Variants in C9orf153 observed in about 807,000 individuals in gnomAD.
The protein encoded by C9orf153 is chromosome 9 open reading frame 153.
In C9orf153, 10 loss-of-function variants were observed where a neutral mutation model predicts 9.0. That is an observed-to-expected ratio of 1.11 (90% CI 0.69 to 1.89). The LOEUF (loss-of-function observed/expected upper bound fraction) is 1.89. Among genes scored for constraint, C9orf153 ranks in the 40% most tolerant of loss-of-function variants. The pLI is 0.00. For synonymous variants in C9orf153, 35 were observed against 37.3 expected, an observed-to-expected ratio of 0.94 and a Z score of 0.23; for missense variants, 108 against 111.0, an observed-to-expected ratio of 0.97 and a Z score of 0.12.
At chr9:86,247,989 T>C (rs1042400377) in intron 1 of C9orf153, among the ~76,000 whole-genome samples, 2 of 152,226 alleles carry the variant, frequency 1.3e-5, no homozygotes, top group African/African-American at 4.8e-5. Context: ...CTCACGGACT[T>C]TGGGTGAACC....
intron 3 of C9orf153, among the ~76,000 whole-genome samples, chr9:86,222,424 T>A (rs1187738164): frequency 6.6e-6 from 1 of 152,028 alleles, no homozygotes; most frequent in Non-Finnish European, 1.5e-5. Flanking sequence ...GGGAGGAAGA[T>A]GGGTTAGAAG....
intron 1 of C9orf153, among the ~76,000 whole-genome samples, chr9:86,259,090 C>T (rs923635105): frequency 6.6e-6 from 1 of 150,994 alleles, no homozygotes; most frequent in South Asian, 2.1e-4. Context: ...AGTGCAGTGG[C>T]GTGAACACAG....
At chr9:86,243,312 C>T (rs536373622) in intron 1 of C9orf153, among the ~76,000 whole-genome samples, 3 of 152,226 alleles carry the variant, frequency 2.0e-5, no homozygotes, top group East Asian at 1.9e-4. Context: ...CTGAATTCAA[C>T]ATGATGATAG....
At chr9:86,231,003 C>T (rs951290312) in intron 1 of C9orf153, among the ~76,000 whole-genome samples, 4 of 152,124 alleles carry the variant, frequency 2.6e-5, no homozygotes, top group African/African-American at 4.8e-5. Flanking sequence ...TGCGGCTTTC[C>T]TACACATTCT....
At chr9:86,253,614 A>G (rs1361708423) in intron 1 of C9orf153, among the ~76,000 whole-genome samples, 2 of 152,256 alleles carry the variant, frequency 1.3e-5, no homozygotes, top group Admixed American at 6.5e-5. Context: ...TATTAAAGAC[A>G]TGGGATCCTG....
Position 86,222,482 on chromosome 9 carries a change from T to G in C9orf153, c.243-749A>C, listed in dbSNP as rs1195127148. On this transcript the variant is annotated intron_variant, in intron 3 of 3. Coordinates refer to ENST00000339137, the MANE Select transcript of C9orf153 (RefSeq NM_001276366.4). ...TCTTCCAAGATGCTAATGTAAGCCC[T>G]AAGTATAAAAGGGCAGTGGCTGAGC... Among the ~76,000 whole-genome samples the G allele has an allele frequency of 5.1e-4, 78 of 152,076 alleles. 1 individual carries two copies. Among genetic ancestry groups the G allele is most frequent in the Non-Finnish European group, 7.4e-5 (5 of 68,020 alleles).
chr9:86,245,656 C>T (rs1180816094), intron 1 of C9orf153, among the ~76,000 whole-genome samples: 1 of 152,084 alleles, frequency 6.6e-6, no homozygotes, highest in Non-Finnish European at 1.5e-5. Context: ...TACCTCTTTG[C>T]GATTGTGAAT....
chr9:86,255,117 A>C (rs1190821921), intron 1 of C9orf153, among the ~76,000 whole-genome samples: 1 of 151,884 alleles, frequency 6.6e-6, no homozygotes, highest in African/African-American at 2.4e-5. Flanking sequence ...GAATATATGG[A>C]CAATATATTT....
chr9:86,228,055 A>G (rs1246688614), intron 2 of C9orf153, 25 bp from the exon 3 acceptor site: 1 of 1,546,660 alleles, frequency 6.5e-7, no homozygotes, highest in Non-Finnish European at 8.8e-7. Context: ...AAAAGTGGTA[A>G]GTCACGAGAC....
At chr9:86,256,379 T>G (rs1358590141) in intron 1 of C9orf153, among the ~76,000 whole-genome samples, 1 of 152,246 alleles carries the variant, frequency 6.6e-6, no homozygotes, top group African/African-American at 2.4e-5. Flanking sequence ...TGATAAAGAT[T>G]GCAGACTTAC....
At chr9:86,234,311 A>G (rs1487291284) in intron 1 of C9orf153, among the ~76,000 whole-genome samples, 1 of 152,244 alleles carries the variant, frequency 6.6e-6, no homozygotes, top group Non-Finnish European at 1.5e-5. Flanking sequence ...TGAAGCTGAA[A>G]TGGAGAGAAC....
chr9:86,224,606 C>T (rs1032327770), intron 3 of C9orf153, among the ~76,000 whole-genome samples: 58 of 151,796 alleles, frequency 3.8e-4, no homozygotes, highest in Non-Finnish European at 1.5e-4. Flanking sequence ...CTATATAACA[C>T]TATTGAAACA....
chr9:86,228,036 G>T lies in C9orf153; in HGVS notation c.67-6C>A. 6.5e-7 allele frequency: 1 copy of T among 1,547,050 alleles called. No homozygotes were observed. The stretch of plus-strand genomic sequence containing the variant: ...CATGCATATAATTCTGGAAGCTGTG[G>T]ACAAAAAAAAAAGTGGTAAGTCACG... On this transcript the variant is annotated splice_polypyrimidine_tract_variant and splice_region_variant and intron_variant, in intron 2 of 3. Coordinates refer to ENST00000339137, the MANE Select transcript of C9orf153 (RefSeq NM_001276366.4).
rs201401346 is a variant in C9orf153 at position 86,227,313 on chromosome 9, AT to A, written c.242+541del. 25 of 1,415,660 alleles carry A rather than the reference AT, an allele frequency of 1.8e-5. No homozygotes were observed. In the African/African-American group the frequency reaches 2.7e-4, roughly 15 times the overall value. The allele number at this position is 1,415,660 out of a possible 1,614,324, so 87.7% of individuals were successfully genotyped here. On this transcript the variant is annotated intron_variant, in intron 3 of 3. Coordinates refer to ENST00000339137, the MANE Select transcript of C9orf153 (RefSeq NM_001276366.4). ...AGGCACATGCCACCAAGCTCAGCTA[AT>A]TTTTATTTATTTATTTATTTATTTA...
intron 1 of C9orf153, among the ~76,000 whole-genome samples, chr9:86,256,391 A>C (rs1406358418): frequency 6.6e-6 from 1 of 152,270 alleles, no homozygotes; most frequent in Non-Finnish European, 1.5e-5. Context: ...CAGACTTACT[A>C]AACAGAAATA....
intron 1 of C9orf153, among the ~76,000 whole-genome samples, chr9:86,256,506 C>T (rs928330799): frequency 2.6e-5 from 4 of 152,176 alleles, no homozygotes; most frequent in Non-Finnish European, 4.4e-5. Flanking sequence ...AAATGCTCAA[C>T]ATTTAAATAC....
chr9:86,257,620 A>G (rs557047587), intron 1 of C9orf153, among the ~76,000 whole-genome samples: 3 of 152,274 alleles, frequency 2.0e-5, no homozygotes, highest in Non-Finnish European at 1.5e-5. Flanking sequence ...CTTGTCTGAC[A>G]TGGCAGCTGG....
intron 3 of C9orf153, among the ~76,000 whole-genome samples, chr9:86,224,771 C>CAAA (rs35435424): frequency 6.9e-4 from 78 of 113,410 alleles, no homozygotes; most frequent in African/African-American, 1.9e-3. Flanking sequence ...ACTAAAAATA[C>CAAA]AAAAAAAAAA....
chr9:86,229,480 T>C lies in C9orf153; in HGVS notation c.66+58A>G. ...GTGCGTTCAATAGTTTGAATGTTTA[T>C]GATTCTTGAATGTAAAGCTCCCTGT... On this transcript the variant is annotated intron_variant, in intron 2 of 3. Coordinates refer to ENST00000339137, the MANE Select transcript of C9orf153 (RefSeq NM_001276366.4). 3 of 1,210,478 alleles carry C rather than the reference T, an allele frequency of 2.5e-6. No homozygotes were observed. The South Asian group carries it at 3.8e-5, about 15-fold the overall frequency. 75.0% of individuals were successfully genotyped at this position (1,210,478 alleles called of 1,614,324 possible).
Sources: allele counts gnomAD v4.1 joint callset (sites outside exome capture counted in the v4.1 genomes callset), GRCh38; gene constraint gnomAD v4.1.1; transcripts MANE v1.5; gene names NCBI Gene and HGNC (gene_info 2026-07-23, HGNC 2026-07-21).